Variants in IL7 observed in about 807,000 individuals in gnomAD.
The protein encoded by IL7 is interleukin-7.
IL7 carries 3 observed loss-of-function variants against 21.6 expected under a neutral mutation model. The observed-to-expected ratio is 0.14, with a 90% CI of 0.06 to 0.36. The LOEUF is 0.36. Among genes scored for constraint, IL7 ranks in the 10% least tolerant of loss-of-function variants. The probability of loss-of-function intolerance (pLI) is 1.00; values close to 1 mark genes in which losing one functional copy is unlikely to be tolerated. For synonymous variants in IL7, 62 were observed against 68.1 expected (o/e 0.91, Z 0.44); for missense variants, 175 against 200.2 (o/e 0.87, Z 0.76).
intron 4 of IL7, among the ~76,000 whole-genome samples, chr8:78,683,644 G>T (rs1476129107): frequency 2.0e-5 from 3 of 152,122 alleles, no homozygotes; most frequent in South Asian, 4.1e-4. Context: ...GATGTGCCCT[G>T]GAGGCATTTT....
intron 3 of IL7, among the ~76,000 whole-genome samples, chr8:78,724,363 C>T (rs1269633980): frequency 8.5e-5 from 13 of 152,048 alleles, no homozygotes; most frequent in Middle Eastern, 3.4e-3. Flanking sequence ...TGTATATCTA[C>T]ATATGTATGA....
At chr8:78,758,097 G>C (rs1343834400) in intron 2 of IL7, among the ~76,000 whole-genome samples, 1 of 152,032 alleles carries the variant, frequency 6.6e-6, no homozygotes, top group African/African-American at 2.4e-5. Flanking sequence ...AAGTTACCCA[G>C]TCTCAGGTAT....
intron 3 of IL7, chr8:78,711,972 C>T (rs950257622): frequency 1.6e-6 from 2 of 1,278,794 alleles, no homozygotes; most frequent in African/African-American, 3.1e-5. Flanking sequence ...ATGGGTACAC[C>T]TTTATATATT....
At chr8:78,756,098 T>C (rs560533324) in intron 2 of IL7, among the ~76,000 whole-genome samples, 1 of 152,212 alleles carries the variant, frequency 6.6e-6, no homozygotes, top group Admixed American at 6.5e-5. Flanking sequence ...CATATGGTTT[T>C]TGTTCTTCAC....
intron 2 of IL7, among the ~76,000 whole-genome samples, chr8:78,752,702 G>A (rs560098793): frequency 2.0e-5 from 3 of 152,148 alleles, no homozygotes; most frequent in South Asian, 4.2e-4. Flanking sequence ...CCGTCAACCC[G>A]TCATCTACAT....
At chr8:78,795,878 C>G (rs1011984529) in intron 2 of IL7, among the ~76,000 whole-genome samples, 4 of 151,982 alleles carry the variant, frequency 2.6e-5, no homozygotes, top group Non-Finnish European at 5.9e-5. Flanking sequence ...CACAGTATCT[C>G]TTTTTAGTTT....
At chr8:78,785,925 G>A (rs1289639439) in intron 2 of IL7, among the ~76,000 whole-genome samples, 2 of 152,208 alleles carry the variant, frequency 1.3e-5, no homozygotes, top group African/African-American at 4.8e-5. Context: ...GGCAATGGTA[G>A]TGCACTGAGA....
intron 1 of IL7, among the ~76,000 whole-genome samples, chr8:78,799,651 T>C (rs975838853): frequency 6.6e-6 from 1 of 152,008 alleles, no homozygotes; most frequent in African/African-American, 2.4e-5. Flanking sequence ...AAATCTCATA[T>C]ATATATATAT....
intron 2 of IL7, among the ~76,000 whole-genome samples, chr8:78,773,693 T>C (rs1372605566): frequency 6.6e-6 from 1 of 152,152 alleles, no homozygotes; most frequent in Non-Finnish European, 1.5e-5. Context: ...GGAAAGTTGT[T>C]GAGCAGCGAT....
rs1338572805 is a variant in IL7, at chr8:78,804,967, A to G, written c.-45T>C. 1.2e-6 allele frequency: 2 copies of G among 1,604,402 alleles called. No individual in the cohort carries two copies. Among genetic ancestry groups the G allele is most frequent in the South Asian group, 1.1e-5 (1 of 89,868 alleles). On this transcript the variant is annotated 5_prime_UTR_variant, in exon 1 of 6. Coordinates refer to ENST00000263851, the MANE Select transcript of IL7 (RefSeq NM_000880.4). ...TAGTCATGATGACCGCAACTGGAGCAGGAGCAAGCTCTCACCGCCCATAGT... is the reference window on the plus strand; with the variant it reads ...TAGTCATGATGACCGCAACTGGAGCGGGAGCAAGCTCTCACCGCCCATAGT...
At chr8:78,785,961 G>T (rs1813496222) in intron 2 of IL7, among the ~76,000 whole-genome samples, 3 of 152,172 alleles carry the variant, frequency 2.0e-5, no homozygotes, top group South Asian at 2.1e-4. Flanking sequence ...GGTCAATTTT[G>T]TTGGTGGACA....
chr8:78,712,058 C>A, intron 3 of IL7: 1 of 1,289,594 alleles, frequency 7.8e-7, no homozygotes, highest in Non-Finnish European at 1.0e-6. Flanking sequence ...GACAGTGATA[C>A]AAAATCAGAC....
chr8:78,753,517 C>G (rs182111873), intron 2 of IL7, among the ~76,000 whole-genome samples: 1 of 152,140 alleles, frequency 6.6e-6, no homozygotes, highest in Admixed American at 6.5e-5. Context: ...TTCTCCCATT[C>G]TGTAGGTAAC....
chr8:78,764,961 T>C (rs552133721), intron 2 of IL7, among the ~76,000 whole-genome samples: 21 of 152,210 alleles, frequency 1.4e-4, no homozygotes, highest in African/African-American at 4.6e-4. Context: ...CAAGACACTA[T>C]AGCATTAGTG....
chr8:78,748,750 G>T (rs906007978), intron 2 of IL7, among the ~76,000 whole-genome samples: 1 of 152,166 alleles, frequency 6.6e-6, no homozygotes, highest in African/African-American at 2.4e-5. Context: ...AAAGCCAAGA[G>T]AATGGATTGT....
chr8:78,758,794 A>G (rs1227225923), intron 2 of IL7, among the ~76,000 whole-genome samples: 2 of 152,174 alleles, frequency 1.3e-5, no homozygotes, highest in Admixed American at 6.5e-5. Flanking sequence ...TCTGTCTTCA[A>G]CCTTTCACAG....
At chr8:78,762,695 C>A (rs940468339) in intron 2 of IL7, among the ~76,000 whole-genome samples, 2 of 150,950 alleles carry the variant, frequency 1.3e-5, no homozygotes, top group Non-Finnish European at 3.0e-5. Flanking sequence ...GTATCTGTGT[C>A]CTCTTGTATC....
intron 6 of IL7, chr8:78,718,427 A>T (rs897611116): frequency 3.9e-5 from 6 of 152,086 alleles, no homozygotes; most frequent in Middle Eastern, 3.4e-3. Context: ...ATGCATCTTA[A>T]ATCACGTCAC....
At chr8:78,728,909 G>A (rs566048899), downstream of IL7, among the ~76,000 whole-genome samples, 6 of 152,068 alleles carry the variant, frequency 3.9e-5, no homozygotes, top group African/African-American at 1.2e-4. Flanking sequence ...GGTAAAGAGT[G>A]TATGGGAATG....
Sources: gnomAD v4.1 joint callset for allele counts (sites outside exome capture counted in the v4.1 genomes callset) on GRCh38, gnomAD v4.1.1 for gene constraint, MANE v1.5 for transcripts, NCBI Gene and HGNC (gene_info 2026-07-23, HGNC 2026-07-21) for gene names.